The following SLC1A1 variants were observed in gnomAD, a reference collection of about 807,000 sequenced individuals.
The protein encoded by SLC1A1 is excitatory amino acid transporter 3.
Under a neutral mutation model 53.3 loss-of-function variants are expected in SLC1A1, and 43 were observed. The ratio of observed to expected loss-of-function variants is 0.81; its 90% confidence interval spans 0.63 to 1.04. The LOEUF (loss-of-function observed/expected upper bound fraction) is 1.04. SLC1A1 is among the 50% of genes least tolerant of loss of function. The pLI is 0.00. For missense variants in SLC1A1, 748 were observed against 664.9 expected, an observed-to-expected ratio of 1.12 and a Z score of -1.37; for synonymous variants, 307 against 243.2, an observed-to-expected ratio of 1.26 and a Z score of -2.44.
chr9:4,538,642 T>A (rs1230945504), intron 1 of SLC1A1, among the ~76,000 whole-genome samples: 1 of 152,202 alleles, frequency 6.6e-6, no homozygotes, highest in African/African-American at 2.4e-5. Context: ...TATAATATAT[T>A]GCCAGTATAG....
At chr9:4,515,924 AG>A (rs1426545754) in intron 1 of SLC1A1, among the ~76,000 whole-genome samples, 4 of 152,126 alleles carry the variant, frequency 2.6e-5, no homozygotes, top group Non-Finnish European at 4.4e-5. Flanking sequence ...CCCTCTTCCC[AG>A]TTAGCTATGT....
chr9:4,557,826 T>G (rs1818564578), intron 2 of SLC1A1, among the ~76,000 whole-genome samples: 1 of 152,026 alleles, frequency 6.6e-6, no homozygotes, highest in African/African-American at 2.4e-5. Context: ...AGAGCCAATA[T>G]GGAATAGTGG....
chr9:4,526,568 G>GA (rs1187770864), intron 1 of SLC1A1, among the ~76,000 whole-genome samples: 5 of 152,012 alleles, frequency 3.3e-5, no homozygotes, highest in African/African-American at 4.8e-5. Flanking sequence ...GTTTTATTTG[G>GA]AAAAAAAGAT....
At chr9:4,506,216 C>G (rs1284672797) in intron 1 of SLC1A1, among the ~76,000 whole-genome samples, 1 of 152,220 alleles carries the variant, frequency 6.6e-6, no homozygotes. Flanking sequence ...CTCAGCCTCC[C>G]AAAGTGCTGG....
intron 2 of SLC1A1, among the ~76,000 whole-genome samples, chr9:4,559,429 G>C (rs934400810): frequency 6.6e-6 from 1 of 151,818 alleles, no homozygotes; most frequent in Non-Finnish European, 1.5e-5. Context: ...GAAATGGTGT[G>C]TTTAGAGTGA....
At chr9:4,569,108 T>C (rs529292546) in intron 6 of SLC1A1, among the ~76,000 whole-genome samples, 2 of 152,156 alleles carry the variant, frequency 1.3e-5, no homozygotes, top group African/African-American at 4.8e-5. Context: ...CCTCTACCTC[T>C]CTGGGTCTGC....
chr9:4,495,585 G>C (rs1165567814), intron 1 of SLC1A1, among the ~76,000 whole-genome samples: 1 of 152,084 alleles, frequency 6.6e-6, no homozygotes, highest in Non-Finnish European at 1.5e-5. Flanking sequence ...ACGGAGGAGA[G>C]GTGAAGGAAC....
intron 1 of SLC1A1, among the ~76,000 whole-genome samples, chr9:4,517,898 GAA>G (rs1263891622): frequency 6.6e-6 from 1 of 151,966 alleles, no homozygotes; most frequent in African/African-American, 2.4e-5. Context: ...GATGTCAACT[GAA>G]AATTGTTGAA....
chr9:4,492,582 T>C (rs2130786416), intron 1 of SLC1A1, among the ~76,000 whole-genome samples: 1 of 152,134 alleles, frequency 6.6e-6, no homozygotes, highest in Non-Finnish European at 1.5e-5. Flanking sequence ...GAGGATTGCT[T>C]GAGCCCAGGA....
chr9:4,514,253 G>T (rs1345900966), intron 1 of SLC1A1, among the ~76,000 whole-genome samples: 1 of 152,180 alleles, frequency 6.6e-6, no homozygotes, highest in Admixed American at 6.5e-5. Context: ...TCCAGCATTT[G>T]CAAGAGAGGG....
At chr9:4,557,689 C>G (rs1384060573) in intron 2 of SLC1A1, among the ~76,000 whole-genome samples, 1 of 152,142 alleles carries the variant, frequency 6.6e-6, no homozygotes, top group Non-Finnish European at 1.5e-5. Context: ...ACACTAGCCA[C>G]TTTCCAAGTG....
At chr9:4,492,748 A>G (rs902061063) in intron 1 of SLC1A1, among the ~76,000 whole-genome samples, 3 of 151,884 alleles carry the variant, frequency 2.0e-5, no homozygotes, top group African/African-American at 7.3e-5. Context: ...GTGAGCCGTG[A>G]TCGTGACTCT....
chr9:4,580,040 G>A (rs1333915382), intron 10 of SLC1A1, among the ~76,000 whole-genome samples: 1 of 152,038 alleles, frequency 6.6e-6, no homozygotes. Flanking sequence ...GGGCAAAATG[G>A]CAAAACCCCA....
At chr9:4,498,185 G>A (rs890487673) in intron 1 of SLC1A1, among the ~76,000 whole-genome samples, 3 of 152,236 alleles carry the variant, frequency 2.0e-5, no homozygotes, top group Admixed American at 6.5e-5. Flanking sequence ...AGCTAAGGGG[G>A]TTCAAAGGGC....
At chr9:4,578,315 GAAT>G (rs1229540024) in intron 10 of SLC1A1, among the ~76,000 whole-genome samples, 1 of 152,182 alleles carries the variant, frequency 6.6e-6, no homozygotes, top group Admixed American at 6.5e-5. Flanking sequence ...TCTGTAAAAT[GAAT>G]AATAGTACCT....
intron 1 of SLC1A1, among the ~76,000 whole-genome samples, chr9:4,515,611 A>AACATCAGTGTGAAGC (rs148553566): frequency 0.54 from 77,583 of 143,544 alleles, 20,184 homozygotes; most frequent in Middle Eastern, 0.56. Context: ...GATGAACATC[A>AACATCAGTGTGAAGC]ACAATGTCAA....
chr9:4,501,028 G>A (rs758949492), intron 1 of SLC1A1, among the ~76,000 whole-genome samples: 7 of 152,086 alleles, frequency 4.6e-5, no homozygotes, highest in Non-Finnish European at 7.4e-5. Flanking sequence ...AAGATAAGAC[G>A]TCCCACCAGT....
rs563292965 is a variant in SLC1A1, at chr9:4,536,435, T to G, written c.92-8132T>G. Among the ~76,000 whole-genome samples, 40 of 152,058 alleles carry G rather than the reference T, an allele frequency of 2.6e-4. No individual in the cohort carries two copies. The South Asian group carries it at 3.1e-3, about 12-fold the overall frequency. On this transcript the variant is annotated intron_variant, in intron 1 of 11. Coordinates refer to ENST00000262352, the MANE Select transcript of SLC1A1 (RefSeq NM_004170.6). The stretch of plus-strand genomic sequence containing the variant: ...GACATTTATGCAGCCAACAGACACA[T>G]GAAAAAATGCTGATCATCACTGGTC...
Position 4,585,336 on chromosome 9 carries a change from C to T in SLC1A1, c.1353C>T (p.Asn451=), listed in dbSNP as rs1415538318. 4.3e-6 allele frequency: 7 copies of T among 1,613,886 alleles called. No homozygotes were observed. Among genetic ancestry groups the T allele is most frequent in the East Asian group, 4.5e-5 (2 of 44,900 alleles). The change falls in exon 12 of 12, where the codon AAC becomes AAT. Residue 451 remains asparagine, a synonymous_variant. Transcript: ENST00000262352. ...GGGACCGGTTCAGGACCATGGTCAA[C>T]GTCCTTGGTGATGCTTTTGGGACGG... ...WLLDRFRTMV[N]VLGDAFGTGI...
Sources: gnomAD v4.1 joint callset for allele counts (sites outside exome capture counted in the v4.1 genomes callset) on GRCh38, gnomAD v4.1.1 for gene constraint, MANE v1.5 for transcripts, NCBI Gene and HGNC (gene_info 2026-07-23, HGNC 2026-07-21) for gene names.